Variants in WWOX observed in about 807,000 individuals in gnomAD.
The protein encoded by WWOX is WW domain containing oxidoreductase.
A neutral mutation model predicts 46.2 loss-of-function variants in WWOX; 69 were observed. That is an observed-to-expected ratio of 1.49 (90% CI 1.23 to 1.82). The LOEUF is 1.82. Among genes scored for constraint, WWOX ranks in the 40% most tolerant of loss-of-function variants. The pLI is 0.00. For missense variants in WWOX, 919 were observed against 542.6 expected (o/e 1.69, Z -6.89); for synonymous variants, 359 against 202.6 (o/e 1.77, Z -6.56).
chr16:78,627,948 C>A (rs558891760), intron 8 of WWOX, among the ~76,000 whole-genome samples: 105 of 152,316 alleles, frequency 6.9e-4, no homozygotes, highest in Non-Finnish European at 1.2e-3. Flanking sequence ...TGAGTGTCAC[C>A]TGTTGAGAGC....
intron 5 of WWOX, among the ~76,000 whole-genome samples, chr16:78,218,483 T>C (rs1345561039): frequency 1.3e-5 from 2 of 152,134 alleles, no homozygotes; most frequent in Non-Finnish European, 2.9e-5. Context: ...CAGGAGGCTG[T>C]TGGTTGACAG....
intron 8 of WWOX, among the ~76,000 whole-genome samples, chr16:78,435,970 G>A (rs2083326184): frequency 6.6e-6 from 1 of 152,204 alleles, no homozygotes; most frequent in African/African-American, 2.4e-5. Flanking sequence ...TTCTAAAAAT[G>A]TGGCTAATAG....
chr16:78,835,170 C>A (rs963586757), intron 8 of WWOX, among the ~76,000 whole-genome samples: 1 of 152,148 alleles, frequency 6.6e-6, no homozygotes, highest in African/African-American at 2.4e-5. Context: ...TTGCTTTTGT[C>A]ATTATCCAAC....
intron 8 of WWOX, among the ~76,000 whole-genome samples, chr16:79,013,175 A>G (rs1388470732): frequency 1.3e-5 from 2 of 152,182 alleles, no homozygotes; most frequent in African/African-American, 4.8e-5. Context: ...CTTGCCGCCC[A>G]CCGCACAGCC....
At chr16:79,084,749 C>T (rs750676648) in intron 8 of WWOX, among the ~76,000 whole-genome samples, 5 of 151,256 alleles carry the variant, frequency 3.3e-5, no homozygotes, top group Non-Finnish European at 7.4e-5. Context: ...TTTTAATCCT[C>T]ACAGTGACTC....
At chr16:78,662,091 G>GGTGGTGGTA (rs1555512037) in intron 8 of WWOX, among the ~76,000 whole-genome samples, 4 of 151,822 alleles carry the variant, frequency 2.6e-5, no homozygotes, top group Admixed American at 6.6e-5. Context: ...TGGTGGTGGT[G>GGTGGTGGTA]GTAGTAGTAG....
chr16:78,322,176 G>C (rs966774365), intron 5 of WWOX, among the ~76,000 whole-genome samples: 3 of 152,048 alleles, frequency 2.0e-5, no homozygotes, highest in African/African-American at 7.2e-5. Context: ...GGAAGACAAG[G>C]ACAAACAATT....
chr16:78,434,915 A>C (rs2083301692), intron 8 of WWOX, among the ~76,000 whole-genome samples: 1 of 152,200 alleles, frequency 6.6e-6, no homozygotes, highest in Admixed American at 6.5e-5. Flanking sequence ...AAGGAAGGCA[A>C]GTTCTGCTAA....
chr16:78,359,703 A>G lies in WWOX; in HGVS notation c.517-27157A>G, dbSNP rs188478620. ...TTCATTGTGGAAATCAACTGCCACA[A>G]AAACACAACCTTTTACGAGACAACG... On this transcript the variant is annotated intron_variant, in intron 5 of 8. Coordinates refer to ENST00000566780, the MANE Select transcript of WWOX (RefSeq NM_016373.4). 3.0e-3 allele frequency among the ~76,000 whole-genome samples: 453 copies of G among 152,372 alleles called. 2 individuals are homozygous for G. The highest frequency in any genetic ancestry group is 0.01 in the African/African-American group (431 of 41,588).
intron 8 of WWOX, among the ~76,000 whole-genome samples, chr16:78,937,060 A>G (rs2045753153): frequency 6.6e-6 from 1 of 152,198 alleles, no homozygotes; most frequent in Non-Finnish European, 1.5e-5. Context: ...GTGGAAATAT[A>G]GGTTTAAACT....
intron 8 of WWOX, among the ~76,000 whole-genome samples, chr16:78,481,974 A>G (rs1051866132): frequency 7.2e-5 from 11 of 152,152 alleles, no homozygotes; most frequent in African/African-American, 2.7e-4. Flanking sequence ...TGAGCTGCCT[A>G]GCTGTCTGCA....
intron 8 of WWOX, among the ~76,000 whole-genome samples, chr16:78,599,076 G>C (rs1461602549): frequency 6.6e-6 from 1 of 152,116 alleles, no homozygotes; most frequent in Non-Finnish European, 1.5e-5. Context: ...TTCATGTCAG[G>C]AAGGTGTCCG....
At chr16:78,549,763 C>T (rs895211724) in intron 8 of WWOX, among the ~76,000 whole-genome samples, 3 of 152,072 alleles carry the variant, frequency 2.0e-5, no homozygotes, top group Admixed American at 1.3e-4. Flanking sequence ...GATATGAAGC[C>T]TAAGGGTAAG....
At chr16:78,569,305 T>C (rs1173726163) in intron 8 of WWOX, among the ~76,000 whole-genome samples, 1 of 152,222 alleles carries the variant, frequency 6.6e-6, no homozygotes, top group Admixed American at 6.5e-5. Context: ...GCAGTTTTCC[T>C]TTATAAAATG....
chr16:78,407,322 G>C (rs2082571310), intron 6 of WWOX, among the ~76,000 whole-genome samples: 1 of 152,104 alleles, frequency 6.6e-6, no homozygotes, highest in South Asian at 2.1e-4. Context: ...GCCCCAGATG[G>C]TGTGACATTC....
intron 8 of WWOX, among the ~76,000 whole-genome samples, chr16:78,860,247 G>A (rs1001068890): frequency 2.0e-5 from 3 of 152,142 alleles, no homozygotes; most frequent in African/African-American, 7.2e-5. Flanking sequence ...TTCCACTATA[G>A]TAGATGCTTA....
intron 5 of WWOX, among the ~76,000 whole-genome samples, chr16:78,320,668 A>G (rs2080447502): frequency 6.6e-6 from 1 of 152,208 alleles, no homozygotes. Flanking sequence ...TGGATGAAGA[A>G]TGAAATATCC....
At chr16:78,714,846 G>C (rs1370844948) in intron 8 of WWOX, among the ~76,000 whole-genome samples, 1 of 152,210 alleles carries the variant, frequency 6.6e-6, no homozygotes, top group African/African-American at 2.4e-5. Flanking sequence ...TGAGGAACCA[G>C]TGAGTGGTTT....
intron 8 of WWOX, among the ~76,000 whole-genome samples, chr16:79,192,087 T>C (rs1431688101): frequency 6.6e-6 from 1 of 152,198 alleles, no homozygotes; most frequent in Non-Finnish European, 1.5e-5. Flanking sequence ...GAATTAGTCA[T>C]AGGGTATTTC....
Sources: allele counts gnomAD v4.1 joint callset (sites outside exome capture counted in the v4.1 genomes callset), GRCh38; gene constraint gnomAD v4.1.1; transcripts MANE v1.5; gene names NCBI Gene and HGNC (gene_info 2026-07-23, HGNC 2026-07-21).